The following WNK4 variants were observed in gnomAD, a reference collection of about 807,000 sequenced individuals.
WNK4 encodes the protein serine/threonine-protein kinase WNK4.
Under a neutral mutation model 116.2 loss-of-function variants are expected in WNK4, and 94 were observed. The observed-to-expected ratio is 0.81, with a 90% CI of 0.68 to 0.96. The LOEUF (loss-of-function observed/expected upper bound fraction) is 0.96. WNK4 is among the 40% of genes least tolerant of loss of function. The pLI is 0.00. For missense variants in WNK4, 1,542 were observed against 1,650.6 expected (o/e 0.93, Z 1.14); for synonymous variants, 655 against 672.7 (o/e 0.97, Z 0.41).
At chr17:42,787,995 C>A in intron 8 of WNK4, 96 bp downstream of exon 8, 1 of 1,594,110 alleles carries the variant, frequency 6.3e-7, no homozygotes. Flanking sequence ...GTCCCATGTC[C>A]CTGGAAATCC....
At chr17:42,788,867 G>A in intron 11 of WNK4, 70 bp downstream of exon 11, 5 of 1,299,832 alleles carry the variant, frequency 3.8e-6, no homozygotes, top group African/African-American at 1.5e-5. Flanking sequence ...ATGTCCGCTG[G>A]GGCTGAAACC....
intron 11 of WNK4, 122 bp from the exon 12 acceptor site, chr17:42,793,470 A>G (rs887104379): frequency 7.2e-7 from 1 of 1,395,640 alleles, no homozygotes; most frequent in African/African-American, 1.4e-5. Context: ...TCGGCCTCCC[A>G]AAGTGCTAGG....
At chr17:42,785,008 A>G in intron 4 of WNK4, 89 bp from the exon 5 acceptor site, 1 of 1,338,248 alleles carries the variant, frequency 7.5e-7, no homozygotes, top group Non-Finnish European at 1.0e-6. Flanking sequence ...CAGCTGCCTA[A>G]GGAGGGAGTG....
chr17:42,794,890 T>C lies in WNK4; in HGVS notation c.2469T>C (p.Ile823=). The part of the protein sequence containing the change: ...PGNPFSPGTP[I]SPGPIFPITS... ...ACCCATTTTCCCCTGGAACCCCCAT[T>C]TCCCCAGGTCCCATCTTCCCCATCA... The change falls in exon 14 of 19, where the codon ATT becomes ATC. Residue 823 remains isoleucine, a synonymous_variant. Transcript: ENST00000246914. 1 of 1,612,302 alleles carries C rather than the reference T, an allele frequency of 6.2e-7. No individual in the cohort carries two copies. The highest frequency in any genetic ancestry group is 1.6e-4 in the Middle Eastern group (1 of 6,062).
chr17:42,787,620 A>G, intron 7 of WNK4, 78 bp downstream of exon 7: 1 of 1,594,870 alleles, frequency 6.3e-7, no homozygotes, highest in East Asian at 2.2e-5. Context: ...TCACCCCCAC[A>G]GCAGTCACTT....
At chr17:42,789,800 G>A (rs991632836) in intron 11 of WNK4, among the ~76,000 whole-genome samples, 2 of 151,970 alleles carry the variant, frequency 1.3e-5, no homozygotes, top group Non-Finnish European at 2.9e-5. Context: ...GAGCCCAGGG[G>A]TTCAAGACCA....
At position 42,793,731 on chromosome 17, in the gene WNK4, T is replaced by G; in HGVS notation, c.2295+2T>G. Reference sequence around the variant, plus strand: ...GCTGAAGACACCCTAAGCCCCCAGGTCAGACCCCTTGGTGGACACTTCCAG... The same window carrying G: ...GCTGAAGACACCCTAAGCCCCCAGGGCAGACCCCTTGGTGGACACTTCCAG... On this transcript the variant is annotated splice_donor_variant, in intron 12 of 18. Transcript: ENST00000246914. LOFTEE classifies it high-confidence loss of function. 6.2e-7 allele frequency: 1 copy of G among 1,613,968 alleles called. No individual in the cohort carries two copies. The highest frequency in any genetic ancestry group is 8.5e-7 in the Non-Finnish European group (1 of 1,179,902).
chr17:42,785,047 C>G (rs1465070576), intron 4 of WNK4, 50 bp from the exon 5 acceptor site: 9 of 1,579,108 alleles, frequency 5.7e-6, no homozygotes, highest in African/African-American at 1.3e-5. Context: ...GGTGTCAAGC[C>G]GAGAGCTGGG....
intron 6 of WNK4, 50 bp downstream of exon 6, chr17:42,785,532 C>T: frequency 6.5e-7 from 1 of 1,547,834 alleles, no homozygotes; most frequent in Non-Finnish European, 8.7e-7. Flanking sequence ...AGGACATTGA[C>T]TCGAGGGGAC....
At position 42,793,647 on chromosome 17, in the gene WNK4, GGGAGATTATCCAGCGAGT is replaced by G; in HGVS notation, c.2219_2236del (p.Ile740_Glu745del). ...CGAGATGGATTTCTCAGACGGATTC[GGGAGATTATCCAGCGAGT>G]GGAGACCCTGTTGAAGAGAGACACT... On this transcript the variant is annotated inframe_deletion, in exon 12 of 19. Transcript: ENST00000246914. The G allele has an allele frequency of 3.1e-6, 5 of 1,613,974 alleles. No individual in the cohort carries two copies. The highest frequency in any genetic ancestry group is 4.2e-6 in the Non-Finnish European group (5 of 1,180,000).
rs764406058 is a variant in WNK4 at position 42,788,354 on chromosome 17, C to T, written c.1987C>T (p.Pro663Ser). ...AGAAGGGATGGGACAAATGAGGAGA[C>T]CCCCAGGGAGGAATCTCCGGCGCAG... ...VGEGMGQMRR[P>S]PGRNLRRRPR... The change falls in exon 10 of 19, where the codon CCC becomes TCC. Residue 663 changes from proline (P) to serine (S), a missense_variant. Physicochemically the swap from Pro to Ser is moderately conservative, Grantham distance 74. This residue lies in a region of WNK4 where 808 missense variants were observed against 873.6 expected (regional missense o/e 0.92). Coordinates refer to ENST00000246914, the MANE Select transcript of WNK4 (RefSeq NM_032387.5). 2 of 1,613,756 alleles carry T rather than the reference C, an allele frequency of 1.2e-6. No individual in the cohort carries two copies. Among genetic ancestry groups the T allele is most frequent in the Non-Finnish European group, 1.7e-6 (2 of 1,180,020 alleles).
chr17:42,796,420 C>A (rs2054674255), intron 17 of WNK4, 61 bp from the exon 18 acceptor site: 22 of 1,613,656 alleles, frequency 1.4e-5, no homozygotes, highest in Admixed American at 3.3e-5. Flanking sequence ...GGGGAATAGA[C>A]CCCCTCTCCC....
At position 42,784,686 on chromosome 17, in the gene WNK4, G is replaced by T; in HGVS notation, c.1170+107G>T. 1 of 1,438,428 alleles carries T rather than the reference G, an allele frequency of 7.0e-7. No homozygotes were observed. Among genetic ancestry groups the T allele is most frequent in the Non-Finnish European group, 9.6e-7 (1 of 1,044,968 alleles). 89.1% of individuals were successfully genotyped at this position (1,438,428 alleles called of 1,614,324 possible). A position where few individuals can be genotyped will look rare whatever the true frequency, so the allele number is the denominator to read the frequency against. Reference sequence around the variant, plus strand: ...CCTTTGCCTGCACGAAAACAGGCTAGACACAGAGTCGCCTTGGTGAACACA... The same window carrying T: ...CCTTTGCCTGCACGAAAACAGGCTATACACAGAGTCGCCTTGGTGAACACA... On this transcript the variant is annotated intron_variant, in intron 4 of 18. Coordinates refer to ENST00000246914, the MANE Select transcript of WNK4 (RefSeq NM_032387.5). The surrounding 1 kb of genome is among the most constrained non-coding windows in gnomAD (Gnocchi z 4.4).
rs551555406 is a variant in WNK4 at position 42,792,414 on chromosome 17, G to A, written c.2158-1178G>A. Among the ~76,000 whole-genome samples, 112 of 152,120 alleles carry A rather than the reference G, an allele frequency of 7.4e-4. 1 individual carries two copies. Among genetic ancestry groups the A allele is most frequent in the African/African-American group, 2.5e-3 (102 of 41,500 alleles). ...AACCATAAATATAAAATTTACCACC[G>A]TAACCATTTTTAAGTGTACAGTTCA... On this transcript the variant is annotated intron_variant, in intron 11 of 18. Transcript: ENST00000246914.
intron 11 of WNK4, among the ~76,000 whole-genome samples, chr17:42,791,627 G>A (rs534528811): frequency 2.8e-5 from 4 of 143,438 alleles, no homozygotes; most frequent in South Asian, 2.3e-4. Context: ...CAACAAGAGC[G>A]AAACTCTGTC....
intron 11 of WNK4, among the ~76,000 whole-genome samples, chr17:42,792,489 T>G (rs1367825484): frequency 6.6e-6 from 1 of 152,238 alleles, no homozygotes; most frequent in Non-Finnish European, 1.5e-5. Flanking sequence ...CCAGGGGTTT[T>G]CTTACCTTGC....
At chr17:42,788,609 TG>T (rs2054577944) in intron 10 of WNK4, 71 bp from the exon 11 acceptor site, 1 of 1,339,372 alleles carries the variant, frequency 7.5e-7, no homozygotes. Context: ...GTCACTTGGC[TG>T]GGGTAGGGTG....
At position 42,785,204 on chromosome 17, in the gene WNK4, A is replaced by T. The variant is rs1231326176; in HGVS notation, c.1259+19A>T. The T allele has an allele frequency of 1.2e-6, 2 of 1,612,588 alleles. No individual in the cohort carries two copies. Among genetic ancestry groups the T allele is most frequent in the South Asian group, 2.2e-5 (2 of 90,786 alleles). On this transcript the variant is annotated intron_variant, in intron 5 of 18. Transcript: ENST00000246914. ...ACGAGAGGTGGGGGTGAAAGGGCAG[A>T]GCGTGGGTAGAATAGGGCCGCGGGC...
In WNK4 at chr17:42,794,816, G is replaced by GC; in HGVS notation, c.2397dup (p.Phe800LeufsTer103). 2 of 1,613,934 alleles carry GC rather than the reference G, an allele frequency of 1.2e-6. No homozygotes were observed. The highest frequency in any genetic ancestry group is 2.2e-5 in the South Asian group (2 of 91,074). ...CTCCCTGGAGCACAGGAGCTGGACA[G>GC]CCTTCTCCACCTCCTCATCTTCTCC... On this transcript the variant is annotated frameshift_variant, in exon 14 of 19. Transcript: ENST00000246914. LOFTEE classifies it high-confidence loss of function.
Sources: allele counts gnomAD v4.1 joint callset (sites outside exome capture counted in the v4.1 genomes callset), GRCh38; gene constraint gnomAD v4.1.1; regional missense constraint gnomAD v4.1.1; non-coding constraint Gnocchi (gnomAD v3.1); transcripts MANE v1.5; gene names NCBI Gene and HGNC (gene_info 2026-07-23, HGNC 2026-07-21).